The following FHL2 variants were observed in gnomAD, a reference collection of about 807,000 sequenced individuals.
FHL2 encodes four and a half LIM domains protein 2.
FHL2 carries 20 observed loss-of-function variants against 32.7 expected under a neutral mutation model. That is an observed-to-expected ratio of 0.61 (90% CI 0.43 to 0.89). FHL2 has a LOEUF of 0.89. Ranked by LOEUF, FHL2 falls within the 40% of genes least tolerant of loss-of-function variation. FHL2 has a pLI of 0.00. For missense variants in FHL2, 311 were observed against 358.6 expected (o/e 0.87, Z 1.07); for synonymous variants, 123 against 128.1 (o/e 0.96, Z 0.27).
chr2:105,435,255 G>C (rs969878916), intron 1 of FHL2, among the ~76,000 whole-genome samples: 1 of 152,020 alleles, frequency 6.6e-6, no homozygotes, highest in African/African-American at 2.4e-5. Context: ...CTATTGCACT[G>C]TTTATTGGTT....
intron 3 of FHL2, among the ~76,000 whole-genome samples, chr2:105,377,318 C>A (rs1030157582): frequency 6.6e-6 from 1 of 152,238 alleles, no homozygotes; most frequent in South Asian, 2.1e-4. Flanking sequence ...GTGTATTTTA[C>A]CATAATTAAA....
chr2:105,397,461 G>C (rs1010098927), intron 1 of FHL2, among the ~76,000 whole-genome samples: 10 of 152,118 alleles, frequency 6.6e-5, no homozygotes, highest in Non-Finnish European at 1.2e-4. Context: ...CTTGGCCCAG[G>C]CTGCACAGGT....
At chr2:105,380,712 A>G (rs1681828687) in intron 3 of FHL2, among the ~76,000 whole-genome samples, 1 of 152,224 alleles carries the variant, frequency 6.6e-6, no homozygotes, top group Non-Finnish European at 1.5e-5. Context: ...ACCTTGACAG[A>G]CTTGCTCAAG....
At chr2:105,390,400 T>C (rs1465778939) in intron 2 of FHL2, among the ~76,000 whole-genome samples, 1 of 152,222 alleles carries the variant, frequency 6.6e-6, no homozygotes, top group African/African-American at 2.4e-5. Context: ...CAGTAGCAGC[T>C]GCTATCTGCT....
intron 4 of FHL2, among the ~76,000 whole-genome samples, chr2:105,371,929 C>T (rs1681106388): frequency 6.6e-6 from 1 of 152,104 alleles, no homozygotes; most frequent in Admixed American, 6.6e-5. Flanking sequence ...CACTGTCGCA[C>T]AGCACTGGGG....
At chr2:105,427,086 T>C (rs1684291530) in intron 1 of FHL2, among the ~76,000 whole-genome samples, 1 of 152,084 alleles carries the variant, frequency 6.6e-6, no homozygotes, top group Non-Finnish European at 1.5e-5. Flanking sequence ...ACTGTAAGAA[T>C]CCAGGCGAAA....
intron 1 of FHL2, among the ~76,000 whole-genome samples, chr2:105,425,293 A>G (rs1023867949): frequency 6.6e-6 from 1 of 152,190 alleles, no homozygotes. Context: ...CAAGCAGTAT[A>G]CTTGGTAAAG....
chr2:105,386,248 A>AG (rs1470089222), intron 3 of FHL2, 113 bp downstream of exon 3: 4 of 1,251,926 alleles, frequency 3.2e-6, no homozygotes, highest in Non-Finnish European at 2.2e-6. Context: ...CGCCCCTCAG[A>AG]GGGGGCTCAA....
chr2:105,370,208 AC>A (rs201590553), intron 4 of FHL2, among the ~76,000 whole-genome samples: 5 of 150,614 alleles, frequency 3.3e-5, no homozygotes, highest in Admixed American at 6.6e-5. Context: ...CCCTGTCTCT[AC>A]CCCCCCAAAA....
At position 105,386,822 on chromosome 2, in the gene FHL2, T is replaced by C. The variant is rs1293194502; in HGVS notation, c.-24-282A>G. On this transcript the variant is annotated intron_variant, in intron 2 of 6. Transcript: ENST00000530340. ...TTCTTTTGCCCAGGCTGGAGTGCAG[T>C]GGTGCGATCTCGGCTCACTGCAACC... 2.2e-5 allele frequency among the ~76,000 whole-genome samples: 3 copies of C among 137,666 alleles called. No homozygotes were observed. In the East Asian group the frequency reaches 6.5e-4, roughly 30 times the overall value. 90.3% of individuals were successfully genotyped at this position (137,666 alleles called of 152,430 possible).
chr2:105,401,064 C>CTTTTTTTTTTTTTTTTTTTTTTTTTTT (rs10561053), upstream of FHL2, among the ~76,000 whole-genome samples: 1 of 125,538 alleles, frequency 8.0e-6, no homozygotes, highest in African/African-American at 3.0e-5. Flanking sequence ...TTATTGGATT[C>CTTTTTTTTTTTTTTTTTTTTTTTTTTT]TTTTTTTTTT....
At chr2:105,434,089 T>A (rs560858852) in intron 1 of FHL2, among the ~76,000 whole-genome samples, 9 of 152,326 alleles carry the variant, frequency 5.9e-5, no homozygotes, top group Non-Finnish European at 1.3e-4. Flanking sequence ...TAATTTCTCC[T>A]TTCCTTGAGG....
At chr2:105,418,756 G>C (rs1024045169) in intron 1 of FHL2, among the ~76,000 whole-genome samples, 1 of 152,172 alleles carries the variant, frequency 6.6e-6, no homozygotes, top group Non-Finnish European at 1.5e-5. Flanking sequence ...CCACTGTGGG[G>C]CTGAAAATAG....
chr2:105,422,727 G>A (rs1236360147), intron 1 of FHL2, among the ~76,000 whole-genome samples: 3 of 150,484 alleles, frequency 2.0e-5, no homozygotes, highest in African/African-American at 7.3e-5. Context: ...CCACGAGATT[G>A]CATCTTTAGG....
chr2:105,410,263 C>A (rs1226749515), intron 1 of FHL2, among the ~76,000 whole-genome samples: 1 of 152,220 alleles, frequency 6.6e-6, no homozygotes, highest in Non-Finnish European at 1.5e-5. Context: ...CAGTCTTAAA[C>A]CCAGGCAGGT....
chr2:105,378,075 G>A (rs969891835), intron 3 of FHL2: 8 of 471,002 alleles, frequency 1.7e-5, no homozygotes, highest in East Asian at 1.4e-4. Flanking sequence ...CCAGTGCTCC[G>A]GTCATTAAGT....
At chr2:105,373,389 T>C in intron 4 of FHL2, 170 bp downstream of exon 4, 1 of 679,818 alleles carries the variant, frequency 1.5e-6, no homozygotes, top group South Asian at 1.7e-5. Flanking sequence ...TGATAGAACC[T>C]GTATGTCCCT....
rs529846164 is a variant in FHL2, at chr2:105,408,508, C to T, written c.-24-21968G>A. On this transcript the variant is annotated intron_variant, in intron 1 of 5. Transcript: ENST00000393352. ...GCCTTCCCTTCACAGCCTTCCCTTA[C>T]GAGAAGTACGGCTTCACCCAGCCAG... Among the ~76,000 whole-genome samples the T allele has an allele frequency of 5.9e-5, 9 of 152,360 alleles. No homozygotes were observed. In the East Asian group the frequency reaches 9.6e-4, roughly 16 times the overall value.
At chr2:105,377,888 C>T (rs115218329) in intron 3 of FHL2, 4,581 of 370,536 alleles carry the variant, frequency 0.012, 54 homozygotes, top group Middle Eastern at 0.019. Context: ...TACATGGTGG[C>T]TGCCCTGCCC....
Sources: gnomAD v4.1 joint callset for allele counts (sites outside exome capture counted in the v4.1 genomes callset) on GRCh38, gnomAD v4.1.1 for gene constraint, MANE v1.5 for transcripts, NCBI Gene and HGNC (gene_info 2026-07-23, HGNC 2026-07-21) for gene names.